Variants in GALM observed in about 807,000 individuals in gnomAD.
GALM encodes the protein aldose 1-epimerase.
A neutral mutation model predicts 37.4 loss-of-function variants in GALM; 43 were observed. The ratio of observed to expected loss-of-function variants is 1.15; its 90% CI spans 0.90 to 1.48. The LOEUF is 1.48. Among genes scored for constraint, GALM ranks in the 40% most tolerant of loss-of-function variants. The pLI is 0.00. For missense variants in GALM, 456 were observed against 419.1 expected (o/e 1.09, Z -0.77); for synonymous variants, 199 against 170.6 (o/e 1.17, Z -1.30).
At chr2:38,698,817 C>T (rs987411146) in intron 4 of GALM, among the ~76,000 whole-genome samples, 6 of 152,222 alleles carry the variant, frequency 3.9e-5, no homozygotes, top group Admixed American at 3.9e-4. Flanking sequence ...CTATGTTGCC[C>T]AGGCTGATCT....
intron 4 of GALM, among the ~76,000 whole-genome samples, chr2:38,706,875 A>AG (rs543093476): frequency 0.34 from 4,198 of 12,520 alleles, 228 homozygotes; most frequent in East Asian, 0.46. Context: ...TAAAAAAAAA[A>AG]GGGGGGCGGG....
At chr2:38,718,011 T>G (rs1445038122) in intron 4 of GALM, among the ~76,000 whole-genome samples, 1 of 150,094 alleles carries the variant, frequency 6.7e-6, no homozygotes, top group Admixed American at 6.6e-5. Context: ...ATATTTTCTG[T>G]TTTTTGCAGA....
chr2:38,727,719 C>T (rs1206063927), intron 4 of GALM, among the ~76,000 whole-genome samples: 9 of 141,064 alleles, frequency 6.4e-5, no homozygotes, highest in Admixed American at 2.2e-4. Context: ...AGGGAGACTA[C>T]GTCTCAAAAA....
At position 38,666,155 on chromosome 2, in the gene GALM, T is replaced by C; in HGVS notation, c.-7T>C. On this transcript the variant is annotated 5_prime_UTR_variant, in exon 1 of 7. Coordinates refer to ENST00000272252, the MANE Select transcript of GALM (RefSeq NM_138801.3). ...CGGGCAGTGGCTGCACACGCCAAACTTTCCCTATGGCTTCGGTGACCAGGG... is the reference window on the plus strand; with the variant it reads ...CGGGCAGTGGCTGCACACGCCAAACCTTCCCTATGGCTTCGGTGACCAGGG... 1 of 1,608,268 alleles carries C rather than the reference T, an allele frequency of 6.2e-7. No individual in the cohort carries two copies.
intron 2 of GALM, among the ~76,000 whole-genome samples, chr2:38,678,551 A>T (rs1572513677): frequency 6.6e-6 from 1 of 152,212 alleles, no homozygotes; most frequent in Admixed American, 6.5e-5. Context: ...AATTCCTGAA[A>T]TGTTCCATTT....
intron 3 of GALM, among the ~76,000 whole-genome samples, chr2:38,681,961 G>A (rs556837952): frequency 6.6e-4 from 100 of 152,346 alleles, no homozygotes; most frequent in African/African-American, 2.2e-3. Context: ...CCTGCCCTGC[G>A]CAGTACCGTG....
intron 4 of GALM, among the ~76,000 whole-genome samples, chr2:38,720,573 C>T (rs1201616788): frequency 2.6e-5 from 4 of 152,138 alleles, no homozygotes; most frequent in Admixed American, 2.0e-4. Flanking sequence ...TGCTATACAA[C>T]AAATTACTCC....
At chr2:38,690,197 C>A (rs955235978) in intron 4 of GALM, among the ~76,000 whole-genome samples, 1 of 151,906 alleles carries the variant, frequency 6.6e-6, no homozygotes, top group Admixed American at 6.6e-5. Flanking sequence ...TGGGGCTGGG[C>A]GCGGTGGCTC....
At chr2:38,726,166 T>C (rs943081950) in intron 4 of GALM, among the ~76,000 whole-genome samples, 5 of 152,028 alleles carry the variant, frequency 3.3e-5, no homozygotes, top group African/African-American at 1.2e-4. Context: ...TAAAGCAACC[T>C]CTTTCTATTG....
rs1042442544 is a variant in GALM at position 38,686,241 on chromosome 2, T to C, written c.553-3572T>C. Among the ~76,000 whole-genome samples, 834 of 92,612 alleles carry C rather than the reference T, an allele frequency of 9.0e-3. 10 individuals carry two copies. Among genetic ancestry groups the C allele is most frequent in the East Asian group, 0.065 (99 of 1,518 alleles). The allele number at this position is 92,612 out of a possible 152,430, so 60.8% of individuals were successfully genotyped here. On this transcript the variant is annotated intron_variant, in intron 3 of 6. Coordinates refer to ENST00000272252, the MANE Select transcript of GALM (RefSeq NM_138801.3). ...GGAAATTTCTTTCTTTCTTTCTTTC[T>C]TTCTTTCTTTCTTTCTTTCTTTCTT...
rs1553382842 is a variant in GALM, at chr2:38,702,932, T to TATA, written c.634+13038_634+13039insATA. Among the ~76,000 whole-genome samples, 199 of 134,874 alleles carry TATA rather than the reference T, an allele frequency of 1.5e-3. 1 individual carries two copies. Among genetic ancestry groups the TATA allele is most frequent in the African/African-American group, 5.4e-3 (194 of 35,894 alleles). The allele number at this position is 134,874 out of a possible 152,430, so 88.5% of individuals were successfully genotyped here. ...CACTTTATTTATATATATATACTTT[T>TATA]TATATATATATATATATAATATGTG... is the stretch of plus-strand genomic sequence containing the variant. On this transcript the variant is annotated intron_variant, in intron 4 of 6. Transcript: ENST00000272252.
intron 3 of GALM, among the ~76,000 whole-genome samples, chr2:38,688,797 C>T (rs1158912314): frequency 1.3e-5 from 2 of 152,172 alleles, no homozygotes; most frequent in Non-Finnish European, 2.9e-5. Flanking sequence ...AAGGTAGAGG[C>T]ATCATTAGCC....
At chr2:38,678,859 G>A (rs1665324528) in intron 2 of GALM, among the ~76,000 whole-genome samples, 1 of 152,184 alleles carries the variant, frequency 6.6e-6, no homozygotes, top group Non-Finnish European at 1.5e-5. Context: ...ATAGAGTTTG[G>A]CCTCAACTCT....
chr2:38,673,402 A>G lies in GALM; in HGVS notation c.191-2510A>G, dbSNP rs1179276129. 4.6e-5 allele frequency among the ~76,000 whole-genome samples: 7 copies of G among 152,320 alleles called. No individual in the cohort carries two copies. The East Asian group carries it at 1.3e-3, about 29-fold the overall frequency. On this transcript the variant is annotated intron_variant, in intron 1 of 6. Transcript: ENST00000272252. ...CAATCTCCAGACCTTAATCTTTTCCATCGTAAAGTAAGCACAGAGGAATTT... is the reference window on the plus strand; with the variant it reads ...CAATCTCCAGACCTTAATCTTTTCCGTCGTAAAGTAAGCACAGAGGAATTT...
chr2:38,720,602 T>C (rs1314304114), intron 4 of GALM, among the ~76,000 whole-genome samples: 1 of 152,158 alleles, frequency 6.6e-6, no homozygotes, highest in Non-Finnish European at 1.5e-5. Context: ...GTTTATTATC[T>C]CTAATTGTTT....
At chr2:38,682,358 A>G (rs1206760137) in intron 3 of GALM, 1 of 373,696 alleles carries the variant, frequency 2.7e-6, no homozygotes, top group African/African-American at 2.1e-5. Flanking sequence ...ATTGTCTACT[A>G]TACTTGACTC....
At chr2:38,725,527 C>T (rs375841134) in intron 4 of GALM, among the ~76,000 whole-genome samples, 26 of 147,890 alleles carry the variant, frequency 1.8e-4, no homozygotes, top group African/African-American at 6.6e-4. Context: ...CAGAACGAGA[C>T]CCTCGCTCTT....
chr2:38,691,051 C>T (rs1032629824), intron 4 of GALM, among the ~76,000 whole-genome samples: 1 of 152,138 alleles, frequency 6.6e-6, no homozygotes, highest in African/African-American at 2.4e-5. Flanking sequence ...CATGAGTAAG[C>T]TGGCCCATCT....
chr2:38,680,258 G>C (rs1231967134), intron 2 of GALM: 1 of 254,996 alleles, frequency 3.9e-6, no homozygotes, highest in East Asian at 1.5e-4. Flanking sequence ...CTGAGCTCAA[G>C]CGATCCTCCT....
Sources: gnomAD v4.1 joint callset for allele counts (sites outside exome capture counted in the v4.1 genomes callset) on GRCh38, gnomAD v4.1.1 for gene constraint, MANE v1.5 for transcripts, NCBI Gene and HGNC (gene_info 2026-07-23, HGNC 2026-07-21) for gene names.